CEP152: variants seen among roughly 807,000 people sequenced by gnomAD.
CEP152 encodes centrosomal protein 152.
A neutral mutation model predicts 188.9 loss-of-function variants in CEP152; 132 were observed. That is an observed-to-expected ratio of 0.70 (90% CI 0.61 to 0.81). CEP152 has a LOEUF of 0.81. CEP152 is among the 30% of genes least tolerant of loss of function. The pLI is 0.00. For missense variants in CEP152, 1,914 were observed against 1,969.8 expected, an observed-to-expected ratio of 0.97 and a Z score of 0.54; for synonymous variants, 649 against 666.6, an observed-to-expected ratio of 0.97 and a Z score of 0.41.
intron 14 of CEP152, 63 bp downstream of exon 14, chr15:48,768,893 T>A: frequency 8.0e-7 from 1 of 1,247,710 alleles, no homozygotes; most frequent in South Asian, 1.4e-5. Flanking sequence ...AACTCTATTA[T>A]ATCCTTTGTA....
chr15:48,777,469 TG>T (rs1555423625), intron 12 of CEP152, among the ~76,000 whole-genome samples: 1 of 19,584 alleles, frequency 5.1e-5, no homozygotes, highest in Non-Finnish European at 3.9e-4. Context: ...TAGAATATTG[TG>T]TGTGTGTGTG....
chr15:48,755,490 G>C (rs1894187660), intron 20 of CEP152, among the ~76,000 whole-genome samples: 1 of 152,056 alleles, frequency 6.6e-6, no homozygotes, highest in African/African-American at 2.4e-5. Flanking sequence ...CAGGCCCTTA[G>C]AAAGAACAGC....
intron 9 of CEP152, among the ~76,000 whole-genome samples, chr15:48,787,186 G>GTTTTTTTTTTTTT (rs1444526843): frequency 6.2e-5 from 1 of 16,018 alleles, no homozygotes; most frequent in Admixed American, 5.6e-4. Flanking sequence ...TTTTTTTCTG[G>GTTTTTTTTTTTTT]AAAAAGAGTC....
rs746242658 is a variant in CEP152 at position 48,772,621 on chromosome 15, C to A, written c.1648G>T (p.Val550Leu). The A allele has an allele frequency of 5.0e-6, 8 of 1,614,008 alleles. No individual in the cohort carries two copies. The highest frequency in any genetic ancestry group is 6.8e-6 in the Non-Finnish European group (8 of 1,180,012). Reference protein sequence around the residue: ...DEFILKLKAEVQRLLGSNSMK... With the variant: ...DEFILKLKAELQRLLGSNSMK... The stretch of plus-strand genomic sequence containing the variant: ...GAGTTGCTACCCAGCAAACGCTGTA[C>A]TTCTGCCTTTAACTTCAGAATGAAC... Residue 550 changes from valine to leucine, a missense_variant, in exon 13 of 27, where the codon GTA (valine) becomes TTA (leucine). Physicochemically the swap from Val to Leu is conservative, Grantham distance 32. Coordinates refer to ENST00000380950, the MANE Select transcript of CEP152 (RefSeq NM_001194998.2).
chr15:48,760,064 C>T lies in CEP152; in HGVS notation c.2694+71G>A, dbSNP rs961122828. The T allele has an allele frequency of 5.0e-6, 8 of 1,600,998 alleles. No individual in the cohort carries two copies. In the African/African-American group the frequency reaches 8.0e-5, roughly 16 times the overall value. On this transcript the variant is annotated intron_variant, in intron 19 of 26. Transcript: ENST00000380950. Reference sequence around the variant, plus strand: ...ACAATTCTATGAGTAGGTACAAATTCCAAGGACTGAGATAAGAGAAGGGGT... The same window carrying T: ...ACAATTCTATGAGTAGGTACAAATTTCAAGGACTGAGATAAGAGAAGGGGT...
chr15:48,742,792 T>C (rs972653526), intron 24 of CEP152, among the ~76,000 whole-genome samples: 1 of 152,126 alleles, frequency 6.6e-6, no homozygotes, highest in Admixed American at 6.5e-5. Context: ...GGACTACTAT[T>C]AGCTAAGGCT....
intron 7 of CEP152, among the ~76,000 whole-genome samples, chr15:48,792,819 T>TC (rs1897066097): frequency 6.6e-6 from 1 of 151,178 alleles, no homozygotes; most frequent in Non-Finnish European, 1.5e-5. Flanking sequence ...AAATAGAGTG[T>TC]CTTTTTTTTT....
At chr15:48,745,723 CTG>C (rs1297290651) in intron 22 of CEP152, among the ~76,000 whole-genome samples, 1 of 152,092 alleles carries the variant, frequency 6.6e-6, no homozygotes, top group African/African-American at 2.4e-5. Context: ...GATGAGGAAA[CTG>C]ATAAGAGTCC....
At chr15:48,746,350 AAT>A (rs1466421470) in intron 22 of CEP152, among the ~76,000 whole-genome samples, 1 of 152,128 alleles carries the variant, frequency 6.6e-6, no homozygotes, top group Non-Finnish European at 1.5e-5. Context: ...ATTTATAAAT[AAT>A]AGTCATATCC....
intron 6 of CEP152, among the ~76,000 whole-genome samples, chr15:48,794,497 A>G (rs1897170127): frequency 6.6e-6 from 1 of 152,238 alleles, no homozygotes. Flanking sequence ...GTCTTATAGT[A>G]GAGCTAGCCC....
At chr15:48,733,120 T>C (rs576653959), downstream of CEP152, among the ~76,000 whole-genome samples, 1 of 152,246 alleles carries the variant, frequency 6.6e-6, no homozygotes, top group East Asian at 1.9e-4. Flanking sequence ...ATGATGTTTT[T>C]GTATCCATTA....
At chr15:48,769,125 C>G (rs1369343865) in intron 13 of CEP152, 44 bp from the exon 14 acceptor site, 5 of 1,508,944 alleles carry the variant, frequency 3.3e-6, no homozygotes, top group Non-Finnish European at 4.6e-6. Context: ...TTAAAAAATT[C>G]TAAGTTTCAC....
In CEP152 at chr15:48,790,890, C is replaced by T. The variant is rs954269618; in HGVS notation, c.972+347G>A. ...GCCATCACTTTCATTTTTAACCCTG[C>T]CCCCTGCCAAAAAATGAATCAACCA... On this transcript the variant is annotated intron_variant, in intron 8 of 26. Transcript: ENST00000380950. 2.0e-5 allele frequency among the ~76,000 whole-genome samples: 3 copies of T among 152,202 alleles called. No individual in the cohort carries two copies. The East Asian group carries it at 5.8e-4, about 29-fold the overall frequency.
intron 7 of CEP152, 45 bp downstream of exon 7, chr15:48,793,276 A>G (rs769394763): frequency 1.2e-6 from 2 of 1,608,614 alleles, no homozygotes; most frequent in Non-Finnish European, 1.7e-6. Context: ...GAAACAAGAT[A>G]TCTAACTCAG....
intron 12 of CEP152, among the ~76,000 whole-genome samples, chr15:48,774,256 A>G (rs1895741600): frequency 1.3e-5 from 2 of 152,176 alleles, no homozygotes; most frequent in South Asian, 4.1e-4. Flanking sequence ...ATTTTCCAAC[A>G]TGTGTAACTG....
At chr15:48,761,390 A>C (rs901260854) in intron 18 of CEP152, among the ~76,000 whole-genome samples, 2 of 152,226 alleles carry the variant, frequency 1.3e-5, no homozygotes. Flanking sequence ...CTTGTTTAAG[A>C]GTTTATAATA....
rs141599455 is a variant in CEP152 at position 48,751,562 on chromosome 15, T to C, written c.3466+787A>G. Among the ~76,000 whole-genome samples the C allele has an allele frequency of 8.5e-5, 13 of 152,312 alleles. No individual in the cohort carries two copies. The East Asian group carries it at 2.5e-3, about 29-fold the overall frequency. ...GAAATGTGTGCAAACTGAGGTTATT[T>C]ACTTAGTAGGTATGACTGGCCTTGG... On this transcript the variant is annotated intron_variant, in intron 21 of 26. Coordinates refer to ENST00000380950, the MANE Select transcript of CEP152 (RefSeq NM_001194998.2).
chr15:48,736,856 T>G (rs1046633859), downstream of CEP152, among the ~76,000 whole-genome samples: 1 of 152,178 alleles, frequency 6.6e-6, no homozygotes, highest in Non-Finnish European at 1.5e-5. Context: ...CTAAGTTTAC[T>G]AAAAACAAGG....
intron 1 of CEP152, among the ~76,000 whole-genome samples, chr15:48,808,854 A>C (rs1185774689): frequency 1.3e-5 from 2 of 152,208 alleles, no homozygotes; most frequent in African/African-American, 4.8e-5. Flanking sequence ...TTCTATATCT[A>C]TTGACTCAAG....
Sources: allele counts gnomAD v4.1 joint callset (sites outside exome capture counted in the v4.1 genomes callset), GRCh38; gene constraint gnomAD v4.1.1; transcripts MANE v1.5; gene names NCBI Gene and HGNC (gene_info 2026-07-23, HGNC 2026-07-21).